MGAT4C: variants seen among roughly 807,000 people sequenced by gnomAD.
MGAT4C encodes alpha-1,3-mannosyl-glycoprotein 4-beta-N-acetylglucosaminyltransferase C.
In MGAT4C, 19 loss-of-function variants were observed where a neutral mutation model predicts 40.1. That is an observed-to-expected ratio of 0.47 (90% CI 0.33 to 0.70). MGAT4C has a LOEUF of 0.70. Among genes scored for constraint, MGAT4C ranks in the 30% least tolerant of loss-of-function variants. MGAT4C has a pLI of 0.02. For synonymous variants in MGAT4C, 181 were observed against 187.1 expected (o/e 0.97, Z 0.27); for missense variants, 491 against 563.2 (o/e 0.87, Z 1.30).
intron 3 of MGAT4C, among the ~76,000 whole-genome samples, chr12:86,372,307 G>A (rs988074980): frequency 3.3e-5 from 5 of 151,618 alleles, no homozygotes; most frequent in Non-Finnish European, 4.4e-5. Flanking sequence ...TTAACCACCC[G>A]AATCATGTAT....
intron 2 of MGAT4C, among the ~76,000 whole-genome samples, chr12:86,452,920 A>G (rs1356156399): frequency 4.6e-5 from 7 of 152,148 alleles, no homozygotes; most frequent in Admixed American, 3.3e-4. Context: ...TGGGCTTGCT[A>G]CAATGCATAT....
chr12:86,589,672 C>G (rs1248924883), intron 2 of MGAT4C, among the ~76,000 whole-genome samples: 1 of 151,890 alleles, frequency 6.6e-6, no homozygotes, highest in African/African-American at 2.4e-5. Flanking sequence ...ACTGGCAAAC[C>G]GAATCCAGCA....
intron 2 of MGAT4C, among the ~76,000 whole-genome samples, chr12:86,724,981 T>C (rs545999445): frequency 1.3e-5 from 2 of 152,334 alleles, no homozygotes; most frequent in South Asian, 2.1e-4. Flanking sequence ...TATAAGTTCT[T>C]TGAAACATCA....
chr12:86,261,274 T>C (rs1054654740), upstream of MGAT4C, among the ~76,000 whole-genome samples: 18 of 152,224 alleles, frequency 1.2e-4, no homozygotes, highest in African/African-American at 3.6e-4. Flanking sequence ...ATTCATTCAA[T>C]AGACAAAAAT....
At chr12:86,209,412 ATTT>A (rs1382563294) in intron 1 of MGAT4C, among the ~76,000 whole-genome samples, 2 of 152,124 alleles carry the variant, frequency 1.3e-5, no homozygotes, top group African/African-American at 4.8e-5. Flanking sequence ...CTAAGGAATT[ATTT>A]TCTATTAAGG....
rs1385453679 is a variant in MGAT4C at position 85,977,559 on chromosome 12, C to A, written c.*1730G>T. 2.6e-5 allele frequency: 4 copies of A among 151,230 alleles called. No individual in the cohort carries two copies. Among genetic ancestry groups the A allele is most frequent in the African/African-American group, 4.8e-5 (2 of 41,314 alleles). The allele number at this position is 151,230 out of a possible 1,614,324, so 9.4% of individuals were successfully genotyped here. ...CGTTTTTCTTCTAACACTTTAGTAG[C>A]TGAATACAAAGAAAATACACAACAG... On this transcript the variant is annotated 3_prime_UTR_variant, in exon 5 of 5. Transcript: ENST00000611864.
intron 2 of MGAT4C, chr12:86,599,669 A>C (rs1467367659): frequency 6.6e-6 from 1 of 152,192 alleles, no homozygotes; most frequent in Non-Finnish European, 1.5e-5. Flanking sequence ...CAGCTGAAAA[A>C]AAATGGAGCA....
At chr12:86,792,705 G>C (rs1461719426) in intron 1 of MGAT4C, among the ~76,000 whole-genome samples, 1 of 152,138 alleles carries the variant, frequency 6.6e-6, no homozygotes, top group African/African-American at 2.4e-5. Flanking sequence ...GCCGAGGCGG[G>C]TGGATCACCT....
At chr12:86,764,384 C>T (rs536392629) in intron 1 of MGAT4C, among the ~76,000 whole-genome samples, 13 of 152,284 alleles carry the variant, frequency 8.5e-5, no homozygotes, top group Admixed American at 7.2e-4. Context: ...GTGGAGCCCA[C>T]CACAGCTCAA....
rs918228950 is a variant in MGAT4C at position 86,415,240 on chromosome 12, G to C, written c.-120+19917C>G. On this transcript the variant is annotated intron_variant, in intron 3 of 7. Transcript: ENST00000548651. Reference sequence around the variant, plus strand: ...CAGAGAAGAGTTAAGTCAATTACAGGTGTTCTAATTGTAGCAAAATTGCAA... The same window carrying C: ...CAGAGAAGAGTTAAGTCAATTACAGCTGTTCTAATTGTAGCAAAATTGCAA... Among the ~76,000 whole-genome samples, 3 of 151,958 alleles carry C rather than the reference G, an allele frequency of 2.0e-5. No homozygotes were observed. The South Asian group carries it at 6.2e-4, about 32-fold the overall frequency.
At chr12:86,545,913 C>T (rs890635100) in intron 2 of MGAT4C, among the ~76,000 whole-genome samples, 2 of 151,936 alleles carry the variant, frequency 1.3e-5, no homozygotes, top group African/African-American at 2.4e-5. Flanking sequence ...AACAACACTA[C>T]TTGAAGCTTT....
intron 4 of MGAT4C, among the ~76,000 whole-genome samples, chr12:85,981,450 C>A (rs1256744743): frequency 6.6e-6 from 1 of 152,068 alleles, no homozygotes; most frequent in Admixed American, 6.6e-5. Context: ...AAGCCCCATT[C>A]CAAAAACAGT....
rs58310747 is a variant in MGAT4C at position 86,284,731 on chromosome 12, ACTT to A, written c.-57+49331_-57+49333del. ...CACTTTTTCCTAGTTTATATTTAAA[ACTT>A]CTTCTTGTGGCAATAGTCTGCTAAT... On this transcript the variant is annotated intron_variant, in intron 4 of 7. Coordinates refer to the MGAT4C transcript ENST00000548651. Among the ~76,000 whole-genome samples, 509 of 151,984 alleles carry A rather than the reference ACTT, an allele frequency of 3.3e-3. 2 individuals are homozygous for A. The highest frequency in any genetic ancestry group is 0.012 in the African/African-American group (494 of 41,504).
intron 1 of MGAT4C, among the ~76,000 whole-genome samples, chr12:86,744,500 G>T (rs1184868131): frequency 6.6e-6 from 1 of 151,300 alleles, no homozygotes; most frequent in African/African-American, 2.4e-5. Context: ...AGTACATTTT[G>T]GTTCATCTAA....
rs564175994 is a variant in MGAT4C at position 86,638,272 on chromosome 12, G to GC, written c.-229+88936dup. On this transcript the variant is annotated intron_variant, in intron 2 of 7. Coordinates refer to the MGAT4C transcript ENST00000548651. Reference sequence around the variant, plus strand: ...AGTTCAATTTAATTGCTTTTGAGGAGCTTTGTTGAGCAGGCACTTTCCTAT... The same window carrying GC: ...AGTTCAATTTAATTGCTTTTGAGGAGCCTTTGTTGAGCAGGCACTTTCCTAT... 1.1e-4 allele frequency among the ~76,000 whole-genome samples: 17 copies of GC among 151,822 alleles called. 1 individual carries two copies. The highest frequency in any genetic ancestry group is 2.1e-4 in the Non-Finnish European group (14 of 67,898).
At chr12:86,438,065 G>T (rs554961919) in intron 2 of MGAT4C, among the ~76,000 whole-genome samples, 2 of 152,046 alleles carry the variant, frequency 1.3e-5, no homozygotes, top group Admixed American at 1.3e-4. Context: ...CATGTCAAAA[G>T]CCAAGATAGG....
chr12:86,320,076 C>G (rs1302494622), intron 4 of MGAT4C, among the ~76,000 whole-genome samples: 3 of 152,096 alleles, frequency 2.0e-5, no homozygotes, highest in African/African-American at 7.2e-5. Flanking sequence ...CTGGGAGCCT[C>G]TGACCCAGCC....
chr12:86,711,919 T>G (rs1950562726), intron 2 of MGAT4C, among the ~76,000 whole-genome samples: 1 of 152,150 alleles, frequency 6.6e-6, no homozygotes, highest in African/African-American at 2.4e-5. Flanking sequence ...GGGGACTGTT[T>G]AACTGCACAG....
At chr12:86,292,280 TTAAAA>T (rs1953537896) in intron 4 of MGAT4C, among the ~76,000 whole-genome samples, 1 of 151,936 alleles carries the variant, frequency 6.6e-6, no homozygotes. Flanking sequence ...TAATGAACTA[TTAAAA>T]TATTTTTTTA....
Sources: allele counts gnomAD v4.1 joint callset (sites outside exome capture counted in the v4.1 genomes callset), GRCh38; gene constraint gnomAD v4.1.1; transcripts MANE v1.5; gene names NCBI Gene and HGNC (gene_info 2026-07-23, HGNC 2026-07-21).